The following PODN variants were observed in gnomAD, a reference collection of about 807,000 sequenced individuals.
PODN encodes the protein podocan proteoglycan.
Under a neutral mutation model 52.7 loss-of-function variants are expected in PODN, and 40 were observed. The observed-to-expected ratio is 0.76, with a 90% CI of 0.59 to 0.99. The LOEUF is 0.99. Ranked by LOEUF, PODN falls within the 50% of genes least tolerant of loss-of-function variation. PODN has a pLI of 0.00. For synonymous variants in PODN, 396 were observed against 377.9 expected, an observed-to-expected ratio of 1.05 and a Z score of -0.56; for missense variants, 720 against 815.1, an observed-to-expected ratio of 0.88 and a Z score of 1.42.
chr1:53,076,117 AGAG>A (rs994274340), intron 5 of PODN, 146 bp downstream of exon 5: 116 of 686,720 alleles, frequency 1.7e-4, no homozygotes, highest in East Asian at 4.6e-4. Context: ...GGGCCCTAAC[AGAG>A]GAGGACAACT....
chr1:53,078,060 G>A (rs1302242207), intron 7 of PODN, among the ~76,000 whole-genome samples: 1 of 152,160 alleles, frequency 6.6e-6, no homozygotes, highest in Non-Finnish European at 1.5e-5. Context: ...TACAGACTCG[G>A]GCATTCTTGC....
chr1:53,074,572 A>T (rs201030324), intron 3 of PODN, 34 bp from the exon 4 acceptor site: 1 of 1,613,028 alleles, frequency 6.2e-7, no homozygotes, highest in Non-Finnish European at 8.5e-7. Flanking sequence ...CGTCTCCTCC[A>T]TCCAGGGCTC....
At position 53,071,556 on chromosome 1, in the gene PODN, T is replaced by C. The variant is rs1325304736; in HGVS notation, c.334T>C (p.Tyr112His). 6.2e-7 allele frequency: 1 copy of C among 1,613,856 alleles called. No homozygotes were observed. Among genetic ancestry groups the C allele is most frequent in the Non-Finnish European group, 8.5e-7 (1 of 1,179,890 alleles). ...SLQNNQLEKIYPEELSRLHRL... is the reference protein window; with the variant it reads ...SLQNNQLEKIHPEELSRLHRL... ...CTAGAACAACCAGCTGGAAAAGATC[T>C]ACCCTGAGGAGCTCTCCCGGCTGCA... The change falls in exon 3 of 11, where the codon TAC becomes CAC. Residue 112 changes from tyrosine to histidine, a missense_variant. Transcript: ENST00000312553.
intron 4 of PODN, among the ~76,000 whole-genome samples, chr1:53,075,416 C>T (rs1369004617): frequency 6.6e-6 from 1 of 152,228 alleles, no homozygotes; most frequent in Non-Finnish European, 1.5e-5. Context: ...AGCTTCCTCA[C>T]CATGTCCAGT....
intron 10 of PODN, 99 bp from the exon 11 acceptor site, chr1:53,084,414 G>C (rs1365855014): frequency 6.6e-6 from 1 of 152,122 alleles, no homozygotes; most frequent in East Asian, 1.9e-4. Flanking sequence ...CCTTTCCAGA[G>C]CCCCCTCCAG....
rs776017024 is a variant in PODN, at chr1:53,077,705, C to T, written c.759C>T (p.Ile253=). ...CCCAGAACAACAAGCTGGAGAAGAT[C>T]CCCCCGGGGGCCTTCAGCGAGCTGA... ...LHLKNNKLEK[I]PPGAFSELSS... Residue 253 remains isoleucine (I), a synonymous_variant, in exon 7 of 11, where the codon ATC becomes ATT. Coordinates refer to ENST00000312553, the MANE Select transcript of PODN (RefSeq NM_153703.5). 5 of 1,612,436 alleles carry T rather than the reference C, an allele frequency of 3.1e-6. No homozygotes were observed. The South Asian group carries it at 3.3e-5, about 11-fold the overall frequency.
intron 1 of PODN, among the ~76,000 whole-genome samples, chr1:53,066,280 C>T (rs549276688): frequency 1.3e-5 from 2 of 152,192 alleles, no homozygotes; most frequent in East Asian, 1.9e-4. Context: ...CAGGCATGAG[C>T]CACCTTGTCT....
intron 3 of PODN, 78 bp from the exon 4 acceptor site, chr1:53,074,528 G>C: frequency 6.6e-7 from 1 of 1,516,096 alleles, no homozygotes; most frequent in Non-Finnish European, 9.1e-7. Context: ...GCGGGTGGGG[G>C]AGGAGGGTGG....
intron 3 of PODN, among the ~76,000 whole-genome samples, chr1:53,072,565 G>GGAGTTGTCCA (rs1644135055): frequency 6.6e-6 from 1 of 151,774 alleles, no homozygotes; most frequent in Non-Finnish European, 1.5e-5. Context: ...AGTACGTCAG[G>GGAGTTGTCCA]GTTGGCCTGG....
chr1:53,068,889 T>C (rs924063589), intron 1 of PODN, among the ~76,000 whole-genome samples: 2 of 152,142 alleles, frequency 1.3e-5, no homozygotes, highest in African/African-American at 4.8e-5. Context: ...CCCGGGGCCA[T>C]GCCAGGGAGT....
chr1:53,065,361 A>C (rs1262417340), intron 1 of PODN, among the ~76,000 whole-genome samples: 1 of 151,990 alleles, frequency 6.6e-6, no homozygotes, highest in Non-Finnish European at 1.5e-5. Flanking sequence ...GTCTCAAAAA[A>C]AAAAAAGAAA....
chr1:53,079,286 A>G (rs868822169), intron 8 of PODN, among the ~76,000 whole-genome samples: 6 of 152,176 alleles, frequency 3.9e-5, no homozygotes, highest in African/African-American at 1.4e-4. Context: ...CTGCAGGTAC[A>G]AGAGTGAGGG....
In PODN at chr1:53,078,777, C is replaced by T. The variant is rs139363397; in HGVS notation, c.1267C>T (p.Arg423Cys). 233 of 1,613,256 alleles carry T rather than the reference C, an allele frequency of 1.4e-4. No individual in the cohort carries two copies. In the African/African-American group the frequency reaches 2.5e-3, roughly 17 times the overall value. Residue 423 changes from arginine to cysteine, a missense_variant, in exon 8 of 11, where the codon CGC becomes TGC. Arg to Cys is a radical substitution (Grantham distance 180, BLOSUM62 -3). Coordinates refer to ENST00000312553, the MANE Select transcript of PODN (RefSeq NM_153703.5). The stretch of plus-strand genomic sequence containing the variant: ...CCGCATCACCAGCCCGCAGGTGCAC[C>T]GCGACGCCTTCCGCAAGCTGCGCCT... ...YNRITSPQVH[R>C]DAFRKLRLLR...
intron 8 of PODN, among the ~76,000 whole-genome samples, chr1:53,080,445 G>C (rs181274140): frequency 6.6e-6 from 1 of 152,334 alleles, no homozygotes; most frequent in South Asian, 2.1e-4. Flanking sequence ...TATGTGGGAA[G>C]GCACAAGAAG....
chr1:53,062,772 T>C (rs1643976630), intron 1 of PODN, among the ~76,000 whole-genome samples: 1 of 152,274 alleles, frequency 6.6e-6, no homozygotes, highest in Non-Finnish European at 1.5e-5. Flanking sequence ...CCTCCACCTC[T>C]TTATAGATAG....
chr1:53,077,653 C>A, intron 6 of PODN, 32 bp from the exon 7 acceptor site: 1 of 1,586,266 alleles, frequency 6.3e-7, no homozygotes, highest in Non-Finnish European at 8.6e-7. Context: ...GGCCCTCCCT[C>A]ACAATCTCCT....
chr1:53,065,286 C>T (rs1003582752), intron 1 of PODN, among the ~76,000 whole-genome samples: 1 of 152,150 alleles, frequency 6.6e-6, no homozygotes, highest in Admixed American at 6.5e-5. Context: ...AGCCCAGGAG[C>T]CCAAGGCTGC....
chr1:53,077,125 A>G (rs1316458509), intron 5 of PODN, 65 bp from the exon 6 acceptor site: 1 of 1,576,450 alleles, frequency 6.3e-7, no homozygotes, highest in African/African-American at 1.3e-5. Flanking sequence ...TTAGAGGCTC[A>G]CCAGTTGAGC....
At chr1:53,067,915 TAAAAA>T (rs71844234) in intron 1 of PODN, among the ~76,000 whole-genome samples, 2 of 96,362 alleles carry the variant, frequency 2.1e-5, no homozygotes, top group African/African-American at 8.1e-5. Flanking sequence ...GGCCTTGTCT[TAAAAA>T]AAAAAAAAAA....
Sources: gnomAD v4.1 joint callset for allele counts (sites outside exome capture counted in the v4.1 genomes callset) on GRCh38, gnomAD v4.1.1 for gene constraint, MANE v1.5 for transcripts, NCBI Gene and HGNC (gene_info 2026-07-23, HGNC 2026-07-21) for gene names.